Variants in IL1RAPL2 observed in about 807,000 individuals in gnomAD.
The protein encoded by IL1RAPL2 is X-linked interleukin-1 receptor accessory protein-like 2.
Under a neutral mutation model 44.1 loss-of-function variants are expected in IL1RAPL2, and 3 were observed. That is an observed-to-expected ratio of 0.07 (90% CI 0.03 to 0.18). The LOEUF is 0.18. Among genes scored for constraint, IL1RAPL2 ranks in the 10% least tolerant of loss-of-function variants. IL1RAPL2 has a pLI of 1.00. For synonymous variants in IL1RAPL2, 181 were observed against 178.8 expected, an observed-to-expected ratio of 1.01 and a Z score of -0.10; for missense variants, 391 against 496.4, an observed-to-expected ratio of 0.79 and a Z score of 2.02.
chrX:105,046,003 C>T (rs1463725501), intron 2 of IL1RAPL2, among the ~76,000 whole-genome samples: 1 of 111,361 alleles, frequency 9.0e-6, no homozygotes, highest in Non-Finnish European at 1.9e-5. Context: ...ATAGTTTCTT[C>T]TGAGAGCTTG....
At chrX:104,656,140 A>G (rs1171127441) in intron 1 of IL1RAPL2, among the ~76,000 whole-genome samples, 3 of 110,878 alleles carry the variant, frequency 2.7e-5, no homozygotes, top group Non-Finnish European at 5.7e-5. Flanking sequence ...GGATTCATTG[A>G]TTTTATTGAA....
At chrX:104,875,593 C>A (rs1282850815) in intron 2 of IL1RAPL2, among the ~76,000 whole-genome samples, 3 of 111,503 alleles carry the variant, frequency 2.7e-5, no homozygotes, top group African/African-American at 9.8e-5. Context: ...TAGTGCCTGA[C>A]TTATACTATC....
intron 2 of IL1RAPL2, among the ~76,000 whole-genome samples, chrX:104,826,938 C>CTTTTTTTTTTTT (rs1176113214): frequency 6.0e-4 from 21 of 34,863 alleles, no homozygotes; most frequent in East Asian, 9.9e-4. Flanking sequence ...GCAACCCCTG[C>CTTTTTTTTTTTT]TTTTTTTTTT....
intron 5 of IL1RAPL2, among the ~76,000 whole-genome samples, chrX:105,423,606 A>G (rs2035787853): frequency 1.8e-5 from 2 of 111,551 alleles, no homozygotes; most frequent in Admixed American, 1.9e-4. Flanking sequence ...AAACCCAACA[A>G]TATGATCACT....
chrX:105,437,756 G>A (rs907442013), intron 5 of IL1RAPL2, among the ~76,000 whole-genome samples: 2 of 111,379 alleles, frequency 1.8e-5, no homozygotes, highest in Non-Finnish European at 3.8e-5. Flanking sequence ...AATTTTCTCT[G>A]AGGAGAACAA....
chrX:104,734,171 T>C (rs1569305450), intron 2 of IL1RAPL2, among the ~76,000 whole-genome samples: 1 of 112,066 alleles, frequency 8.9e-6, no homozygotes, highest in Non-Finnish European at 1.9e-5. Flanking sequence ...GAATGCAGAG[T>C]AGCTGAAATT....
chrX:105,645,684 G>C (rs2147841007), intron 6 of IL1RAPL2, among the ~76,000 whole-genome samples: 1 of 111,869 alleles, frequency 8.9e-6, no homozygotes, highest in South Asian at 3.8e-4. Flanking sequence ...ACCCCACACA[G>C]TTTTATTAAA....
At chrX:104,885,613 C>A (rs1390016328) in intron 2 of IL1RAPL2, among the ~76,000 whole-genome samples, 1 of 111,568 alleles carries the variant, frequency 9.0e-6, no homozygotes, top group Non-Finnish European at 1.9e-5. Flanking sequence ...TTAAACCTGG[C>A]AACCTCGGTG....
intron 2 of IL1RAPL2, among the ~76,000 whole-genome samples, chrX:104,899,772 T>A (rs1057510114): frequency 1.8e-5 from 2 of 111,536 alleles, no homozygotes; most frequent in Non-Finnish European, 3.8e-5. Flanking sequence ...TCTTCTCATC[T>A]CTCCCCCTGA....
Position 104,907,116 on chromosome X carries a change from G to A in IL1RAPL2, c.82+248121G>A, listed in dbSNP as rs767109021. On this transcript the variant is annotated intron_variant, in intron 2 of 10. Coordinates refer to ENST00000372582, the MANE Select transcript of IL1RAPL2 (RefSeq NM_017416.2). ...GAGGTGTTTGTAGTATTCTCTGATG[G>A]TAGTTTGTATTTCTGTGGGATCAGT... Among the ~76,000 whole-genome samples, 817 of 110,920 alleles carry A rather than the reference G, an allele frequency of 7.4e-3. 8 individuals are homozygous for A. The highest frequency in any genetic ancestry group is 0.025 in the African/African-American group (752 of 30,528).
chrX:105,033,109 A>T (rs1459167278), intron 2 of IL1RAPL2, among the ~76,000 whole-genome samples: 1 of 111,032 alleles, frequency 9.0e-6, no homozygotes, highest in Non-Finnish European at 1.9e-5. Context: ...TTTTGTGGCT[A>T]TGTGTGTCTC....
intron 2 of IL1RAPL2, among the ~76,000 whole-genome samples, chrX:104,898,055 G>A (rs1371626813): frequency 8.9e-6 from 1 of 111,895 alleles, no homozygotes; most frequent in Non-Finnish European, 1.9e-5. Context: ...GTCTTGGAAT[G>A]TGAACATTAT....
At chrX:104,789,322 G>A (rs1445556450) in intron 2 of IL1RAPL2, among the ~76,000 whole-genome samples, 1 of 111,455 alleles carries the variant, frequency 9.0e-6, no homozygotes, top group Non-Finnish European at 1.9e-5. Flanking sequence ...AGTCTCCAGT[G>A]TCTATTTTGC....
chrX:105,767,492 C>T lies in IL1RAPL2; in HGVS notation c.1892C>T (p.Pro631Leu). Residue 631 changes from proline to leucine, a missense_variant, in exon 11 of 11, where the codon CCA becomes CTA. By Grantham distance (98) the Pro-to-Leu change is moderately conservative. Coordinates refer to ENST00000372582, the MANE Select transcript of IL1RAPL2 (RefSeq NM_017416.2). ...YKHEIPATTL[P>L]VPSLGNHHTY... ...CATGAGATACCAGCCACGACCTTGC[C>T]AGTACCTTCCTTAGGCAACCACCAT... 8.3e-7 allele frequency: 1 copy of T among 1,211,499 alleles called. No individual in the cohort carries two copies. Among genetic ancestry groups the T allele is most frequent in the Non-Finnish European group, 1.1e-6 (1 of 895,369 alleles).
intron 2 of IL1RAPL2, among the ~76,000 whole-genome samples, chrX:105,092,876 A>G (rs2032560827): frequency 9.0e-6 from 1 of 110,789 alleles, no homozygotes; most frequent in African/African-American, 3.3e-5. Flanking sequence ...TGCCTGAAAA[A>G]CAATGCAGTT....
At chrX:105,644,749 C>T (rs770614417) in intron 6 of IL1RAPL2, among the ~76,000 whole-genome samples, 1 of 110,647 alleles carries the variant, frequency 9.0e-6, no homozygotes, top group Non-Finnish European at 1.9e-5. Flanking sequence ...TAATGCTATC[C>T]CTTCCCCAGC....
intron 5 of IL1RAPL2, among the ~76,000 whole-genome samples, chrX:105,413,208 G>A (rs1218198363): frequency 1.8e-5 from 2 of 111,485 alleles, no homozygotes; most frequent in African/African-American, 6.5e-5. Flanking sequence ...CGATAACATG[G>A]GTTTTTTTCC....
chrX:105,034,516 G>GCAGCGGTGGCTGCAGAA (rs1480065606), intron 2 of IL1RAPL2, among the ~76,000 whole-genome samples: 2 of 112,324 alleles, frequency 1.8e-5, no homozygotes, highest in Admixed American at 9.4e-5. Flanking sequence ...CTGGGTATCA[G>GCAGCGGTGGCTGCAGAA]CAGCGGTGGC....
At position 105,479,841 on chromosome X, in the gene IL1RAPL2, C is replaced by T. The variant is rs188102015; in HGVS notation, c.698-4472C>T. Among the ~76,000 whole-genome samples, 570 of 110,750 alleles carry T rather than the reference C, an allele frequency of 5.1e-3. 5 individuals carry two copies. The highest frequency in any genetic ancestry group is 0.017 in the African/African-American group (526 of 30,579). On this transcript the variant is annotated intron_variant, in intron 5 of 10. Coordinates refer to ENST00000372582, the MANE Select transcript of IL1RAPL2 (RefSeq NM_017416.2). ...AGTTATTAAGGCTAGACTATGACTG[C>T]CTTTATGTTCCCAGGTGACAAGTTC...
Sources: allele counts gnomAD v4.1 joint callset (sites outside exome capture counted in the v4.1 genomes callset), GRCh38; gene constraint gnomAD v4.1.1; transcripts MANE v1.5; gene names NCBI Gene and HGNC (gene_info 2026-07-23, HGNC 2026-07-21).